Variants in ARG2 observed in about 807,000 individuals in gnomAD.
The protein encoded by ARG2 is arginase 2.
Under a neutral mutation model 39.4 loss-of-function variants are expected in ARG2, and 21 were observed. The ratio of observed to expected loss-of-function variants is 0.53; its 90% confidence interval spans 0.38 to 0.77. The LOEUF is 0.77. ARG2 is among the 30% of genes least tolerant of loss of function. The probability of loss-of-function intolerance (pLI) is 0.00; values close to 1 mark genes in which losing one functional copy is unlikely to be tolerated. For synonymous variants in ARG2, 150 were observed against 156.7 expected (o/e 0.96, Z 0.32); for missense variants, 378 against 426.2 (o/e 0.89, Z 1.00).
At chr14:67,637,576 TA>T (rs2036986542) in intron 2 of ARG2, among the ~76,000 whole-genome samples, 3 of 152,160 alleles carry the variant, frequency 2.0e-5, no homozygotes, top group Non-Finnish European at 2.9e-5. Context: ...AGGGTTCAGA[TA>T]ATCCTAGAAC....
chr14:67,626,564 G>A (rs965283785), intron 2 of ARG2, among the ~76,000 whole-genome samples: 2 of 152,072 alleles, frequency 1.3e-5, no homozygotes, highest in Non-Finnish European at 2.9e-5. Flanking sequence ...CCAGGCTGGA[G>A]TGCAGTGGTG....
intron 2 of ARG2, among the ~76,000 whole-genome samples, chr14:67,625,278 C>A (rs1282716377): frequency 6.6e-6 from 1 of 152,040 alleles, no homozygotes; most frequent in Admixed American, 6.6e-5. Flanking sequence ...ATTTTTGCGA[C>A]CTTGGGTTAG....
At chr14:67,645,931 T>A in intron 4 of ARG2, 129 bp downstream of exon 4, 1 of 1,063,240 alleles carries the variant, frequency 9.4e-7, no homozygotes, top group Non-Finnish European at 1.4e-6. Flanking sequence ...TGTTCATCAC[T>A]ATTATGGACC....
chr14:67,630,704 T>C (rs561018794), intron 2 of ARG2, among the ~76,000 whole-genome samples: 4 of 152,202 alleles, frequency 2.6e-5, no homozygotes, highest in Admixed American at 2.0e-4. Context: ...TCAGCCTCCA[T>C]AGTAGCTGGG....
At chr14:67,637,145 C>T (rs1218518677) in intron 2 of ARG2, among the ~76,000 whole-genome samples, 2 of 152,152 alleles carry the variant, frequency 1.3e-5, no homozygotes, top group East Asian at 1.9e-4. Flanking sequence ...CATGGTGGCT[C>T]ACACCTGTAA....
rs181582499 is a variant in ARG2, at chr14:67,650,729, C to A, written c.874C>A (p.Leu292Met). The change falls in exon 8 of 8, where the codon CTG becomes ATG. Residue 292 changes from leucine to methionine, a missense_variant. Transcript: ENST00000261783. ...TGTTCTTCCAGGGTTGCTATCAGCA[C>A]TGGATCTTGTTGAAGTCAATCCTCA... ...EIHNTGLLSA[L>M]DLVEVNPQLA... The A allele has an allele frequency of 1.7e-5, 28 of 1,613,974 alleles. No individual in the cohort carries two copies. The East Asian group carries it at 6.0e-4, about 35-fold the overall frequency.
At chr14:67,649,509 CAT>C (rs1182963680) in intron 7 of ARG2, 1 of 152,074 alleles carries the variant, frequency 6.6e-6, no homozygotes, top group East Asian at 1.9e-4. Flanking sequence ...AAACATAAGT[CAT>C]GTATATATTT....
chr14:67,647,823 C>T, intron 6 of ARG2: 2 of 544,634 alleles, frequency 3.7e-6, no homozygotes, highest in South Asian at 4.7e-5. Flanking sequence ...CTGAGGTATG[C>T]AGAACAAATG....
chr14:67,636,461 C>T (rs2036973069), intron 2 of ARG2, among the ~76,000 whole-genome samples: 1 of 152,208 alleles, frequency 6.6e-6, no homozygotes, highest in African/African-American at 2.4e-5. Context: ...GCGTGTAGCA[C>T]AGTGTGGTGT....
intron 2 of ARG2, among the ~76,000 whole-genome samples, chr14:67,633,111 C>G (rs10150340): frequency 6.6e-6 from 1 of 152,094 alleles, no homozygotes; most frequent in African/African-American, 2.4e-5. Context: ...TGAGCCACTG[C>G]GCCCGGCCAA....
Position 67,646,698 on chromosome 14 carries a change from A to G in ARG2, c.577A>G (p.Ile193Val), listed in dbSNP as rs1304308080. The change falls in exon 5 of 8, where the codon ATT becomes GTT. Residue 193 changes from isoleucine to valine, a missense_variant. Coordinates refer to ENST00000261783, the MANE Select transcript of ARG2 (RefSeq NM_001172.4). ...WIKPCISSASIVYIGLRDVDP... is the reference protein window; with the variant it reads ...WIKPCISSASVVYIGLRDVDP... ...CAAACCTTGTATCTCTTCTGCAAGT[A>G]TTGTGTATATTGGTCTGAGAGACGT... 1 of 1,613,672 alleles carries G rather than the reference A, an allele frequency of 6.2e-7. No homozygotes were observed. Among genetic ancestry groups the G allele is most frequent in the Non-Finnish European group, 8.5e-7 (1 of 1,179,752 alleles).
Position 67,650,699 on chromosome 14 carries a change from C to A in ARG2, c.860-16C>A, listed in dbSNP as rs1178064656. Reference sequence around the variant, plus strand: ...AGCAAGGGAACCTGAGGTTTTGTCACACTTTGTTCTTCCAGGGTTGCTATC... The same window carrying A: ...AGCAAGGGAACCTGAGGTTTTGTCAAACTTTGTTCTTCCAGGGTTGCTATC... On this transcript the variant is annotated splice_polypyrimidine_tract_variant and intron_variant, in intron 7 of 7. Transcript: ENST00000261783. 4.3e-6 allele frequency: 7 copies of A among 1,612,620 alleles called. No individual in the cohort carries two copies. Among genetic ancestry groups the A allele is most frequent in the Non-Finnish European group, 5.9e-6 (7 of 1,179,516 alleles).
chr14:67,646,978 T>G lies in ARG2; in HGVS notation c.675T>G (p.Leu225=). The change falls in exon 6 of 8, where the codon CTT becomes CTG. Residue 225 remains leucine, a synonymous_variant. Coordinates refer to ENST00000261783, the MANE Select transcript of ARG2 (RefSeq NM_001172.4). ...QYFSMRDIDR[L]GIQKVMERTF... Reference sequence around the variant, plus strand: ...TTTCCATGAGAGATATTGATCGACTTGGTATCCAGAAGGTCATGGAACGAA... The same window carrying G: ...TTTCCATGAGAGATATTGATCGACTGGGTATCCAGAAGGTCATGGAACGAA... 1 of 1,613,262 alleles carries G rather than the reference T, an allele frequency of 6.2e-7. No individual in the cohort carries two copies. The highest frequency in any genetic ancestry group is 8.5e-7 in the Non-Finnish European group (1 of 1,179,338).
At chr14:67,632,808 ATTTTTTTTTTTTTTT>A (rs55642854) in intron 2 of ARG2, among the ~76,000 whole-genome samples, 4 of 62,360 alleles carry the variant, frequency 6.4e-5, no homozygotes, top group South Asian at 8.9e-4. Context: ...AAGCCTCTTA[ATTTTTTTTTTTTTTT>A]TTTTTTTTTT....
At chr14:67,646,477 C>A in intron 4 of ARG2, 167 bp from the exon 5 acceptor site, 2 of 570,966 alleles carry the variant, frequency 3.5e-6, no homozygotes, top group South Asian at 4.6e-5. Flanking sequence ...GAAACATTTC[C>A]ACCTTGTGTC....
chr14:67,646,768 G>A, intron 5 of ARG2, 30 bp downstream of exon 5: 1 of 1,571,164 alleles, frequency 6.4e-7, no homozygotes, highest in Non-Finnish European at 8.8e-7. Context: ...TGAAGTTTAG[G>A]GCCTGTCCTA....
In ARG2 at chr14:67,638,926, A is replaced by C. The variant is rs186256247; in HGVS notation, c.185-3260A>C. On this transcript the variant is annotated intron_variant, in intron 2 of 7. Transcript: ENST00000261783. ...CCATATTAAGGCATGTGGGAAACCA[A>C]CTGAATAGCCAGAATGCTGTTTGGT... is the stretch of plus-strand genomic sequence containing the variant. 2.0e-5 allele frequency among the ~76,000 whole-genome samples: 3 copies of C among 152,360 alleles called. No individual in the cohort carries two copies. The East Asian group carries it at 5.8e-4, about 29-fold the overall frequency.
intron 2 of ARG2, among the ~76,000 whole-genome samples, chr14:67,628,979 A>G (rs575820919): frequency 2.3e-4 from 35 of 152,366 alleles, no homozygotes; most frequent in South Asian, 1.0e-3. Flanking sequence ...CCAAGTGTCC[A>G]TTGATGGATG....
At position 67,619,945 on chromosome 14, in the gene ARG2, C is replaced by G; in HGVS notation, c.-33C>G. The G allele has an allele frequency of 6.9e-7, 1 of 1,451,448 alleles. No homozygotes were observed. Among genetic ancestry groups the G allele is most frequent in the South Asian group, 1.3e-5 (1 of 78,158 alleles). 89.9% of individuals were successfully genotyped at this position (1,451,448 alleles called of 1,614,324 possible). On this transcript the variant is annotated 5_prime_UTR_variant, in exon 1 of 8. Coordinates refer to ENST00000261783, the MANE Select transcript of ARG2 (RefSeq NM_001172.4). ...ACTCCCGGCTTCCAACCGCGCGGAG[C>G]CTCTGCCTTGGAGATTCTCAGTGCT...
Sources: gnomAD v4.1 joint callset for allele counts (sites outside exome capture counted in the v4.1 genomes callset) on GRCh38, gnomAD v4.1.1 for gene constraint, MANE v1.5 for transcripts, NCBI Gene and HGNC (gene_info 2026-07-23, HGNC 2026-07-21) for gene names.